The following LUZP2 variants were observed in gnomAD, a reference collection of about 807,000 sequenced individuals.
LUZP2 encodes leucine zipper protein 2.
Under a neutral mutation model 51.6 loss-of-function variants are expected in LUZP2, and 52 were observed. That is an observed-to-expected ratio of 1.01 (90% CI 0.81 to 1.27). The LOEUF (loss-of-function observed/expected upper bound fraction) is 1.27, where lower values mean the gene tolerates loss of function less well. Ranked by LOEUF, LUZP2 falls within the 50% of genes most tolerant of loss-of-function variation. LUZP2 has a pLI of 0.00. For missense variants in LUZP2, 436 were observed against 395.4 expected, an observed-to-expected ratio of 1.10 and a Z score of -0.87; for synonymous variants, 154 against 137.3, an observed-to-expected ratio of 1.12 and a Z score of -0.85.
At chr11:24,883,542 T>A (rs2134301858) in intron 5 of LUZP2, among the ~76,000 whole-genome samples, 1 of 152,152 alleles carries the variant, frequency 6.6e-6, no homozygotes, top group East Asian at 1.9e-4. Flanking sequence ...CTTTATTGTT[T>A]GGCTTGAACT....
intron 5 of LUZP2, among the ~76,000 whole-genome samples, chr11:24,790,636 G>A (rs1023765817): frequency 2.6e-5 from 4 of 151,964 alleles, no homozygotes; most frequent in African/African-American, 9.7e-5. Flanking sequence ...TGAGTAGCTG[G>A]GATTACAGGC....
chr11:24,516,698 G>C (rs1180831192), intron 1 of LUZP2, among the ~76,000 whole-genome samples: 3 of 152,128 alleles, frequency 2.0e-5, no homozygotes, highest in African/African-American at 7.2e-5. Flanking sequence ...CCCTGAAGAG[G>C]GAAGAGGTCT....
At chr11:24,714,412 C>T (rs1857958292) in intron 1 of LUZP2, among the ~76,000 whole-genome samples, 1 of 152,128 alleles carries the variant, frequency 6.6e-6, no homozygotes, top group South Asian at 2.1e-4. Flanking sequence ...TAACAAAATA[C>T]ACCTCCAGAC....
chr11:24,944,697 A>G (rs576014055), intron 7 of LUZP2, among the ~76,000 whole-genome samples: 2 of 152,284 alleles, frequency 1.3e-5, no homozygotes, highest in South Asian at 2.1e-4. Flanking sequence ...TCGGGAGCAG[A>G]TGGAGTAGCA....
chr11:25,068,108 T>A lies in LUZP2; in HGVS notation c.859-9221T>A, dbSNP rs1054505649. Among the ~76,000 whole-genome samples the A allele has an allele frequency of 3.3e-5, 5 of 151,972 alleles. No individual in the cohort carries two copies. In the East Asian group the frequency reaches 5.8e-4, roughly 18 times the overall value. On this transcript the variant is annotated intron_variant, in intron 10 of 11. Coordinates refer to ENST00000336930, the MANE Select transcript of LUZP2 (RefSeq NM_001009909.4). ...CATGTTCTCACTCATAAGTGGAAGT[T>A]GAACAATGAGAACACATGGATACAG...
chr11:24,584,603 TAA>T (rs1027339555), intron 1 of LUZP2, among the ~76,000 whole-genome samples: 5 of 152,180 alleles, frequency 3.3e-5, no homozygotes, highest in Admixed American at 1.3e-4. Flanking sequence ...TCTCCTAAGA[TAA>T]GTTACTAAAT....
At chr11:24,951,055 C>T (rs1590765265) in intron 7 of LUZP2, among the ~76,000 whole-genome samples, 1 of 151,666 alleles carries the variant, frequency 6.6e-6, no homozygotes, top group Non-Finnish European at 1.5e-5. Flanking sequence ...TTTCATGTCT[C>T]ATTTTAGTTT....
intron 9 of LUZP2, among the ~76,000 whole-genome samples, chr11:25,001,649 A>C (rs1056863883): frequency 6.6e-6 from 1 of 152,156 alleles, no homozygotes; most frequent in Non-Finnish European, 1.5e-5. Flanking sequence ...CCTGGCTTTT[A>C]AAGGAATAGG....
chr11:24,512,622 A>ATGAT (rs1337423244), intron 1 of LUZP2, among the ~76,000 whole-genome samples: 2 of 152,212 alleles, frequency 1.3e-5, no homozygotes, highest in Non-Finnish European at 2.9e-5. Flanking sequence ...TGTTAAAGGA[A>ATGAT]TGATTTTACA....
intron 1 of LUZP2, among the ~76,000 whole-genome samples, chr11:24,589,674 G>A (rs10834400): frequency 6.6e-6 from 1 of 151,998 alleles, no homozygotes; most frequent in East Asian, 1.9e-4. Context: ...TTCAAACCAT[G>A]TGCAGTAGAT....
At chr11:25,039,426 A>G (rs534719061) in intron 9 of LUZP2, among the ~76,000 whole-genome samples, 2 of 152,178 alleles carry the variant, frequency 1.3e-5, no homozygotes, top group Non-Finnish European at 2.9e-5. Context: ...GTAGGCCTGT[A>G]GGACTGATGG....
chr11:24,623,274 G>A (rs1854564255), intron 1 of LUZP2, among the ~76,000 whole-genome samples: 1 of 152,028 alleles, frequency 6.6e-6, no homozygotes, highest in African/African-American at 2.4e-5. Flanking sequence ...GGGACTTAAA[G>A]AGGATTGCAA....
chr11:25,010,947 AATAGGAGCTTCTTATAAGTAG>A (rs1856967257), intron 9 of LUZP2, among the ~76,000 whole-genome samples: 1 of 152,166 alleles, frequency 6.6e-6, no homozygotes, highest in Non-Finnish European at 1.5e-5. Context: ...ACTCCCAATT[AATAGGAGCTTCTTATAAGTAG>A]ATAGATAAGT....
At chr11:24,934,085 A>G (rs188795936) in intron 7 of LUZP2, among the ~76,000 whole-genome samples, 37 of 152,300 alleles carry the variant, frequency 2.4e-4, no homozygotes, top group Middle Eastern at 3.4e-3. Flanking sequence ...GGGAAGGTGT[A>G]TTGTCACAAA....
intron 10 of LUZP2, among the ~76,000 whole-genome samples, chr11:25,065,466 T>C (rs1236374941): frequency 6.6e-6 from 1 of 152,022 alleles, no homozygotes; most frequent in East Asian, 1.9e-4. Context: ...AAAAAACTTG[T>C]TCCTCATTTT....
chr11:24,923,013 TA>T (rs1854117038), intron 7 of LUZP2, among the ~76,000 whole-genome samples: 1 of 151,664 alleles, frequency 6.6e-6, no homozygotes, highest in Non-Finnish European at 1.5e-5. Context: ...CACGCCTAGC[TA>T]ATTTTTTGTA....
intron 9 of LUZP2, among the ~76,000 whole-genome samples, chr11:25,014,461 A>G (rs1744596039): frequency 6.6e-6 from 1 of 152,146 alleles, no homozygotes; most frequent in African/African-American, 2.4e-5. Flanking sequence ...GTGAGATGGT[A>G]TCTCATTGTG....
chr11:25,075,749 C>T lies in LUZP2; in HGVS notation c.859-1580C>T, dbSNP rs768601704. On this transcript the variant is annotated intron_variant, in intron 10 of 11. Coordinates refer to ENST00000336930, the MANE Select transcript of LUZP2 (RefSeq NM_001009909.4). ...GGTAGCACACACATGGGCAGAGAAA[C>T]GTACAGATACATGGTTTGTGTTCAT... Among the ~76,000 whole-genome samples the T allele has an allele frequency of 4.9e-4, 74 of 151,894 alleles. 1 individual carries two copies. The highest frequency in any genetic ancestry group is 2.3e-3 in the Admixed American group (35 of 15,244).
At chr11:24,792,547 T>C (rs1429208305) in intron 5 of LUZP2, among the ~76,000 whole-genome samples, 1 of 152,158 alleles carries the variant, frequency 6.6e-6, no homozygotes, top group Non-Finnish European at 1.5e-5. Flanking sequence ...CACATATCTT[T>C]ATAAGAACTT....
Sources: allele counts gnomAD v4.1 joint callset (sites outside exome capture counted in the v4.1 genomes callset), GRCh38; gene constraint gnomAD v4.1.1; transcripts MANE v1.5; gene names NCBI Gene and HGNC (gene_info 2026-07-23, HGNC 2026-07-21).